BOC: variants seen among roughly 807,000 people sequenced by gnomAD.
BOC encodes BOC cell adhesion associated, oncogene regulated, also known as brother of CDO.
BOC carries 76 observed loss-of-function variants against 112.0 expected under a neutral mutation model. That is an observed-to-expected ratio of 0.68 (90% CI 0.56 to 0.82). The LOEUF (loss-of-function observed/expected upper bound fraction) is 0.82. Ranked by LOEUF, BOC falls within the 40% of genes least tolerant of loss-of-function variation. The pLI, the probability that BOC is intolerant of heterozygous loss-of-function variation, is 0.00. For synonymous variants in BOC, 580 were observed against 599.8 expected (o/e 0.97, Z 0.48); for missense variants, 1,309 against 1,511.7 (o/e 0.87, Z 2.22).
chr3:113,248,653 C>A (rs976411412), intron 2 of BOC, among the ~76,000 whole-genome samples: 2 of 152,162 alleles, frequency 1.3e-5, no homozygotes, highest in East Asian at 3.9e-4. Flanking sequence ...GAAGCAAAAT[C>A]TTTGTTTTGG....
At position 113,279,325 on chromosome 3, in the gene BOC, G is replaced by A; in HGVS notation, c.1893G>A (p.Gly631=). 1.2e-6 allele frequency: 2 copies of A among 1,614,216 alleles called. No individual in the cohort carries two copies. The highest frequency in any genetic ancestry group is 1.7e-6 in the Non-Finnish European group (2 of 1,180,024). ...TGTACGTGACCTGGATTCCCCGTGG[G>A]AATGGTGGGTTCCCAATCCAGTCCT... ...TSVYVTWIPR[G]NGGFPIQSFR... is the part of the protein sequence containing the mutation. Residue 631 remains glycine, a synonymous_variant, in exon 12 of 20, where the codon GGG becomes GGA. Transcript: ENST00000682979.
intron 2 of BOC, among the ~76,000 whole-genome samples, chr3:113,223,780 G>T (rs1052452394): frequency 6.6e-6 from 1 of 152,158 alleles, no homozygotes; most frequent in African/African-American, 2.4e-5. Context: ...CTCCTTCCCT[G>T]CCCCATACAC....
In BOC at chr3:113,221,679, C is replaced by T. The variant is rs1217488847; in HGVS notation, c.-82+5405C>T. Among the ~76,000 whole-genome samples the T allele has an allele frequency of 2.0e-5, 3 of 152,242 alleles. No homozygotes were observed. The East Asian group carries it at 5.8e-4, about 29-fold the overall frequency. ...TTCTGGCTTGGATTATCAAAATAAG[C>T]TTCCTAAGTGTTCTCTCTGCTTCCA... On this transcript the variant is annotated intron_variant, in intron 2 of 19. Transcript: ENST00000682979.
intron 19 of BOC, 55 bp downstream of exon 19, chr3:113,285,620 A>G (rs1576520660): frequency 6.9e-7 from 1 of 1,446,548 alleles, no homozygotes; most frequent in African/African-American, 1.4e-5. Context: ...GACATGAGGT[A>G]GGCATCCACA....
At chr3:113,221,003 A>G (rs983117407) in intron 2 of BOC, among the ~76,000 whole-genome samples, 11 of 152,164 alleles carry the variant, frequency 7.2e-5, no homozygotes, top group Admixed American at 6.5e-4. Context: ...TTCTGGAGCC[A>G]CTTCCAAGTT....
Position 113,280,022 on chromosome 3 carries a change from G to C in BOC, c.2205+17G>C. 6.3e-7 allele frequency: 1 copy of C among 1,583,270 alleles called. No individual in the cohort carries two copies. Among genetic ancestry groups the C allele is most frequent in the Non-Finnish European group, 8.6e-7 (1 of 1,161,392 alleles). The stretch of plus-strand genomic sequence containing the variant: ...AAGTGGATGGTAAGCGGGCCTGGCC[G>C]TGGACTGCAGTGGAAGACGGCCTCC... On this transcript the variant is annotated intron_variant, in intron 13 of 19. Transcript: ENST00000682979.
rs372391109 is a variant in BOC at position 113,279,485 on chromosome 3, C to T, written c.2023+30C>T. ...GGGCCTGGCCACACCGTGGCCTTGGCCTGATCCCCCAGCTGCCCCTTTCCG... is the reference window on the plus strand; with the variant it reads ...GGGCCTGGCCACACCGTGGCCTTGGTCTGATCCCCCAGCTGCCCCTTTCCG... On this transcript the variant is annotated intron_variant, in intron 12 of 19. Coordinates refer to ENST00000682979, the MANE Select transcript of BOC (RefSeq NM_001378074.1). 2.5e-6 allele frequency: 4 copies of T among 1,599,738 alleles called. No individual in the cohort carries two copies. In the South Asian group the frequency reaches 3.3e-5, roughly 13 times the overall value.
At chr3:113,268,610 T>C (rs1947778620) in intron 5 of BOC, among the ~76,000 whole-genome samples, 165 bp downstream of exon 5, 2 of 152,136 alleles carry the variant, frequency 1.3e-5, no homozygotes, top group African/African-American at 4.8e-5. Context: ...CCTCCTCCCC[T>C]TTTTTTCCTT....
intron 2 of BOC, among the ~76,000 whole-genome samples, chr3:113,237,244 G>A (rs1943686342): frequency 6.6e-6 from 1 of 152,174 alleles, no homozygotes; most frequent in Non-Finnish European, 1.5e-5. Flanking sequence ...GCCAGCCGTG[G>A]GCTCAGCACA....
intron 2 of BOC, among the ~76,000 whole-genome samples, chr3:113,225,400 G>A (rs1055076582): frequency 6.6e-6 from 1 of 152,204 alleles, no homozygotes; most frequent in African/African-American, 2.4e-5. Context: ...AAGGAGGAAT[G>A]AGACTCACAG....
chr3:113,236,777 TG>T (rs1489724877), intron 2 of BOC, among the ~76,000 whole-genome samples: 5 of 152,202 alleles, frequency 3.3e-5, no homozygotes, highest in Admixed American at 3.3e-4. Context: ...GCCAAAAAGG[TG>T]GCATTGCCAC....
Position 113,287,071 on chromosome 3 carries a change from C to A in BOC, c.*209C>A. On this transcript the variant is annotated 3_prime_UTR_variant, in exon 20 of 20. Transcript: ENST00000682979. ...AGGTTGGAGAGGGAAAATAAAGAAG[C>A]TGCCACCTAACAGGAGTCACCCAGG... is the stretch of plus-strand genomic sequence containing the variant. 1.6e-6 allele frequency: 1 copy of A among 629,888 alleles called. No individual in the cohort carries two copies. Among genetic ancestry groups the A allele is most frequent in the East Asian group, 3.9e-5 (1 of 25,966 alleles). 39.0% of individuals were successfully genotyped at this position (629,888 alleles called of 1,614,324 possible). A position where few individuals can be genotyped will look rare whatever the true frequency, so the allele number is the denominator to read the frequency against.
chr3:113,257,024 GT>G (rs1214472664), intron 4 of BOC, among the ~76,000 whole-genome samples: 1 of 152,178 alleles, frequency 6.6e-6, no homozygotes, highest in African/African-American at 2.4e-5. Context: ...TTTTCTCAAA[GT>G]AAAAGATTGT....
Position 113,279,921 on chromosome 3 carries a change from T to C in BOC, c.2121T>C (p.Gly707=). The C allele has an allele frequency of 1.2e-6, 2 of 1,613,940 alleles. No homozygotes were observed. The highest frequency in any genetic ancestry group is 1.7e-6 in the Non-Finnish European group (2 of 1,179,968). ...CCTACGTGGTGTCGGGCTACAGCGG[T>C]CGCGTGTACGAGAGGCCCGTGGCAG... is the stretch of plus-strand genomic sequence containing the variant. ...SRPYVVSGYS[G]RVYERPVAGP... Residue 707 remains glycine, a synonymous_variant, in exon 13 of 20, where the codon GGT becomes GGC. Coordinates refer to ENST00000682979, the MANE Select transcript of BOC (RefSeq NM_001378074.1).
At position 113,216,213 on chromosome 3, in the gene BOC, T is replaced by A. The variant is rs1313377613; in HGVS notation, c.-143T>A. 2.2e-6 allele frequency: 1 copy of A among 456,628 alleles called. No homozygotes were observed. The highest frequency in any genetic ancestry group is 2.3e-5 in the Admixed American group (1 of 42,578). The allele number at this position is 456,628 out of a possible 1,614,324, so 28.3% of individuals were successfully genotyped here. ...TTCAGAACAAGCTTCCTGGAACCCA[T>A]GACCCATGAAGTCTTGTCGACATTT... On this transcript the variant is annotated 5_prime_UTR_variant, in exon 2 of 20. The change abolishes an upstream ATG in the 5' untranslated region. Coordinates refer to ENST00000682979, the MANE Select transcript of BOC (RefSeq NM_001378074.1).
intron 2 of BOC, among the ~76,000 whole-genome samples, chr3:113,244,845 G>C (rs530174766): frequency 1.3e-5 from 2 of 152,318 alleles, no homozygotes; most frequent in East Asian, 3.9e-4. Context: ...AGTAAATTCA[G>C]AAACATTCTA....
intron 4 of BOC, among the ~76,000 whole-genome samples, chr3:113,253,442 G>A (rs1041869606): frequency 4.0e-5 from 6 of 151,650 alleles, no homozygotes; most frequent in African/African-American, 9.7e-5. Flanking sequence ...GCGTGGTGGC[G>A]TGCACTTGTA....
At position 113,273,212 on chromosome 3, in the gene BOC, C is replaced by T; in HGVS notation, c.1105C>T (p.Leu369Phe). ...NAVPLISSQRLRLSRRALRVL... is the reference protein window; with the variant it reads ...NAVPLISSQRFRLSRRALRVL... ...TGTGCCCCTCATCTCCAGCCAGCGC[C>T]TCCGGCTCTCCCGCAGGGCCCTGCG... Residue 369 changes from leucine to phenylalanine, a missense_variant, in exon 8 of 20, where the codon CTC becomes TTC. By Grantham distance (22) the Leu-to-Phe change is conservative. Transcript: ENST00000682979. The T allele has an allele frequency of 6.2e-7, 1 of 1,613,812 alleles. No individual in the cohort carries two copies. Among genetic ancestry groups the T allele is most frequent in the Non-Finnish European group, 8.5e-7 (1 of 1,180,024 alleles).
chr3:113,264,819 G>A (rs1400477867), intron 4 of BOC, among the ~76,000 whole-genome samples: 1 of 152,222 alleles, frequency 6.6e-6, no homozygotes, highest in Non-Finnish European at 1.5e-5. Context: ...GAGGCACGGG[G>A]GGAGGGGGGA....
Sources: allele counts gnomAD v4.1 joint callset (sites outside exome capture counted in the v4.1 genomes callset), GRCh38; gene constraint gnomAD v4.1.1; transcripts MANE v1.5; gene names NCBI Gene and HGNC (gene_info 2026-07-23, HGNC 2026-07-21).